The following KIAA1549L variants were observed in gnomAD, a reference collection of about 807,000 sequenced individuals.
KIAA1549L encodes the protein UPF0606 protein KIAA1549L.
Under a neutral mutation model 160.7 loss-of-function variants are expected in KIAA1549L, and 88 were observed. The ratio of observed to expected loss-of-function variants is 0.55; its 90% CI spans 0.46 to 0.65. The LOEUF (loss-of-function observed/expected upper bound fraction) is 0.65. KIAA1549L is among the 30% of genes least tolerant of loss of function. KIAA1549L has a pLI of 0.00. For missense variants in KIAA1549L, 2,258 were observed against 2,437.5 expected (o/e 0.93, Z 1.55); for synonymous variants, 950 against 976.7 (o/e 0.97, Z 0.51).
At chr11:33,378,704 A>G (rs1850008506) in intron 1 of KIAA1549L, among the ~76,000 whole-genome samples, 1 of 152,136 alleles carries the variant, frequency 6.6e-6, no homozygotes, top group Admixed American at 6.5e-5. Flanking sequence ...CCCGTGGTCC[A>G]GCCCACCTGC....
intron 16 of KIAA1549L, among the ~76,000 whole-genome samples, chr11:33,626,428 T>G (rs913159879): frequency 1.3e-5 from 2 of 150,594 alleles, no homozygotes; most frequent in Non-Finnish European, 2.9e-5. Flanking sequence ...TATCCTCTTT[T>G]ATTTCCTTGA....
At position 33,542,633 on chromosome 11, in the gene KIAA1549L, C is replaced by G; in HGVS notation, c.1070C>G (p.Pro357Arg). ...GCAGAACTGTCCCATCCGTCTCCCC[C>G]TCCCCCAGCACTTGGAAGTCTTCTT... ...PMAELSHPSP[P>R]PPALGSLLQL... Residue 357 changes from proline (P) to arginine (R), a missense_variant, in exon 2 of 21, where the codon CCT becomes CGT. Coordinates refer to ENST00000658780, the MANE Select transcript of KIAA1549L (RefSeq NM_012194.3). 6.2e-7 allele frequency: 1 copy of G among 1,613,904 alleles called. No individual in the cohort carries two copies. Among genetic ancestry groups the G allele is most frequent in the African/African-American group, 1.3e-5 (1 of 75,040 alleles).
chr11:33,567,104 A>G (rs10768006), intron 8 of KIAA1549L, among the ~76,000 whole-genome samples: 64,287 of 151,876 alleles, frequency 0.42, 13,888 homozygotes, highest in Middle Eastern at 0.54. Context: ...GGTGGTCCTG[A>G]AAACCCTCCT....
intron 6 of KIAA1549L, 84 bp from the exon 7 acceptor site, chr11:33,559,665 G>A (rs182510606): frequency 9.5e-6 from 11 of 1,152,822 alleles, no homozygotes; most frequent in Middle Eastern, 4.0e-4. Flanking sequence ...CTCCTGCTTA[G>A]CCTCCCCCTC....
At chr11:33,397,993 G>A (rs1425371730) in intron 1 of KIAA1549L, among the ~76,000 whole-genome samples, 3 of 144,798 alleles carry the variant, frequency 2.1e-5, no homozygotes, top group Non-Finnish European at 3.0e-5. Context: ...GCACAATCTC[G>A]GCTCACTGCA....
At position 33,583,507 on chromosome 11, in the gene KIAA1549L, T is replaced by C; in HGVS notation, c.4566+6T>C. ...ACCTGCCGCAGAGAGCAAAGGTATA[T>C]GGAAGTGGTGGGGAGAGGGGCAGGA... is the stretch of plus-strand genomic sequence containing the variant. On this transcript the variant is annotated splice_donor_region_variant and intron_variant, in intron 11 of 20. Coordinates refer to ENST00000658780, the MANE Select transcript of KIAA1549L (RefSeq NM_012194.3). The C allele has an allele frequency of 6.4e-7, 1 of 1,567,320 alleles. No homozygotes were observed. Among genetic ancestry groups the C allele is most frequent in the African/African-American group, 1.4e-5 (1 of 73,984 alleles).
In KIAA1549L at chr11:33,508,584, G is replaced by T. The variant is rs575925717; in HGVS notation, c.239-33218G>T. ...ATTGTCCTTATTCTGCCTACCCCAGGCTTTGGGCAATGTACTTTTCCCCAT... is the reference window on the plus strand; with the variant it reads ...ATTGTCCTTATTCTGCCTACCCCAGTCTTTGGGCAATGTACTTTTCCCCAT... On this transcript the variant is annotated intron_variant, in intron 1 of 20. Transcript: ENST00000658780. 1.7e-4 allele frequency among the ~76,000 whole-genome samples: 26 copies of T among 152,282 alleles called. No individual in the cohort carries two copies. The South Asian group carries it at 5.2e-3, about 30-fold the overall frequency.
At position 33,435,816 on chromosome 11, in the gene KIAA1549L, G is replaced by GTATATATATATATA. The variant is rs1554976825; in HGVS notation, c.238+58928_238+58929insATATATATATATAT. On this transcript the variant is annotated intron_variant, in intron 1 of 20. Coordinates refer to ENST00000658780, the MANE Select transcript of KIAA1549L (RefSeq NM_012194.3). ...TATATATATATATATATATATGTGT[G>GTATATATATATATA]TGTATATATATATATGTATATGTAT... Among the ~76,000 whole-genome samples, 142 of 39,544 alleles carry GTATATATATATATA rather than the reference G, an allele frequency of 3.6e-3. 12 individuals carry two copies. Among genetic ancestry groups the GTATATATATATATA allele is most frequent in the African/African-American group, 0.02 (126 of 6,228 alleles). The allele number at this position is 39,544 out of a possible 152,430, so 25.9% of individuals were successfully genotyped here.
intron 1 of KIAA1549L, chr11:33,450,927 C>T (rs1371085233): frequency 1.3e-5 from 2 of 152,376 alleles, no homozygotes; most frequent in East Asian, 1.9e-4. Flanking sequence ...TGCCCTGACT[C>T]CTTCATCCCG....
At chr11:33,425,989 CAAAG>C (rs958970836) in intron 1 of KIAA1549L, among the ~76,000 whole-genome samples, 1 of 152,074 alleles carries the variant, frequency 6.6e-6, no homozygotes, top group Non-Finnish European at 1.5e-5. Flanking sequence ...TCATGAAAGA[CAAAG>C]AAAGACTGAG....
chr11:33,503,145 T>C (rs570943702), intron 1 of KIAA1549L, among the ~76,000 whole-genome samples: 7 of 152,308 alleles, frequency 4.6e-5, no homozygotes, highest in Admixed American at 2.6e-4. Context: ...TTACCATAGA[T>C]ATGTTTTAAA....
At chr11:33,655,772 T>C (rs1457232496) in intron 17 of KIAA1549L, among the ~76,000 whole-genome samples, 1 of 152,138 alleles carries the variant, frequency 6.6e-6, no homozygotes, top group Non-Finnish European at 1.5e-5. Flanking sequence ...GAGACAGAAC[T>C]TGGCGTGTTC....
chr11:33,381,574 T>C (rs1176401007), intron 1 of KIAA1549L, among the ~76,000 whole-genome samples: 1 of 152,168 alleles, frequency 6.6e-6, no homozygotes, highest in African/African-American at 2.4e-5. Flanking sequence ...CTGGCCATGG[T>C]GATGACTGGG....
Position 33,404,623 on chromosome 11 carries a change from T to A in KIAA1549L, c.238+27734T>A, listed in dbSNP as rs188144152. Among the ~76,000 whole-genome samples the A allele has an allele frequency of 2.6e-5, 4 of 152,044 alleles. No homozygotes were observed. In the East Asian group the frequency reaches 7.7e-4, roughly 29 times the overall value. On this transcript the variant is annotated intron_variant, in intron 1 of 20. Coordinates refer to ENST00000658780, the MANE Select transcript of KIAA1549L (RefSeq NM_012194.3). ...AAATAAAAAGAAAAAGAGATGAAGGTCGTGAATAGACAATACCATAGCAAG... is the reference window on the plus strand; with the variant it reads ...AAATAAAAAGAAAAAGAGATGAAGGACGTGAATAGACAATACCATAGCAAG...
chr11:33,596,577 A>C (rs1278722180), intron 12 of KIAA1549L, among the ~76,000 whole-genome samples: 4 of 152,166 alleles, frequency 2.6e-5, no homozygotes, highest in African/African-American at 7.2e-5. Context: ...GCTCTACTAA[A>C]AATACTAAAA....
chr11:33,542,205 C>G lies in KIAA1549L; in HGVS notation c.642C>G (p.Phe214Leu). The G allele has an allele frequency of 1.5e-6, 1 of 652,700 alleles. No individual in the cohort carries two copies. Among genetic ancestry groups the G allele is most frequent in the Non-Finnish European group, 2.8e-6 (1 of 351,068 alleles). 40.4% of individuals were successfully genotyped at this position (652,700 alleles called of 1,614,324 possible). Residue 214 changes from phenylalanine to leucine, a missense_variant, in exon 2 of 21, where the codon TTC becomes TTG. Coordinates refer to ENST00000658780, the MANE Select transcript of KIAA1549L (RefSeq NM_012194.3). Reference protein sequence around the residue: ...SLSTVPSGTSFSAVPPSQPVW... With the variant: ...SLSTVPSGTSLSAVPPSQPVW... Reference sequence around the variant, plus strand: ...CCACAGTCCCATCAGGGACATCCTTCAGTGCTGTCCCCCCATCCCAGCCAG... The same window carrying G: ...CCACAGTCCCATCAGGGACATCCTTGAGTGCTGTCCCCCCATCCCAGCCAG...
chr11:33,470,374 A>G (rs990838626), intron 1 of KIAA1549L, among the ~76,000 whole-genome samples: 2 of 152,184 alleles, frequency 1.3e-5, no homozygotes, highest in Non-Finnish European at 2.9e-5. Context: ...TTGATCTCAT[A>G]TGTCCATCTT....
At chr11:33,558,912 C>T (rs180912297) in intron 6 of KIAA1549L, among the ~76,000 whole-genome samples, 272 of 151,476 alleles carry the variant, frequency 1.8e-3, no homozygotes, top group Non-Finnish European at 2.5e-3. Flanking sequence ...CGGCTGACTG[C>T]AGCCTCTGCC....
At position 33,669,765 on chromosome 11, in the gene KIAA1549L, T is replaced by A. The variant is rs990858090; in HGVS notation, c.*1611T>A. 4 of 152,250 alleles carry A rather than the reference T, an allele frequency of 2.6e-5. No homozygotes were observed. The highest frequency in any genetic ancestry group is 9.6e-5 in the African/African-American group (4 of 41,468). The allele number at this position is 152,250 out of a possible 1,614,324, so 9.4% of individuals were successfully genotyped here. A position where few individuals can be genotyped will look rare whatever the true frequency, so the allele number is the denominator to read the frequency against. On this transcript the variant is annotated 3_prime_UTR_variant, in exon 21 of 21. Transcript: ENST00000658780. ...CAAAGAAGTTGTTTATATTTTCCAA[T>A]GGCAAACTGCCCTTTCTGGAATGTT...
Sources: allele counts gnomAD v4.1 joint callset (sites outside exome capture counted in the v4.1 genomes callset), GRCh38; gene constraint gnomAD v4.1.1; transcripts MANE v1.5; gene names NCBI Gene and HGNC (gene_info 2026-07-23, HGNC 2026-07-21).